The following ITPKB variants were observed in gnomAD, a reference collection of about 807,000 sequenced individuals.
ITPKB encodes the protein IP3 3-kinase B.
ITPKB carries 13 observed loss-of-function variants against 69.4 expected under a neutral mutation model. The ratio of observed to expected loss-of-function variants is 0.19; its 90% CI spans 0.12 to 0.30. The LOEUF (loss-of-function observed/expected upper bound fraction) is 0.30, where lower values mean the gene tolerates loss of function less well. Ranked by LOEUF, ITPKB falls within the 10% of genes least tolerant of loss-of-function variation. The pLI, the probability that ITPKB is intolerant of heterozygous loss-of-function variation, is 1.00. For missense variants in ITPKB, 1,240 were observed against 1,250.5 expected (o/e 0.99, Z 0.13); for synonymous variants, 584 against 513.7 (o/e 1.14, Z -1.85).
chr1:226,641,857 G>C lies in ITPKB; in HGVS notation c.2451+64C>G. On this transcript the variant is annotated intron_variant, in intron 5 of 7. Transcript: ENST00000429204. The surrounding 1 kb of genome is among the most constrained non-coding windows in gnomAD (Gnocchi z 4.6). ...TTACAGCTTCCAAAGGGCGCTGAGAGAAGCCAAGCCCCCTGAGGTGGGCAC... is the reference window on the plus strand; with the variant it reads ...TTACAGCTTCCAAAGGGCGCTGAGACAAGCCAAGCCCCCTGAGGTGGGCAC... The C allele has an allele frequency of 1.4e-6, 2 of 1,456,816 alleles. No individual in the cohort carries two copies. Among genetic ancestry groups the C allele is most frequent in the Non-Finnish European group, 9.5e-7 (1 of 1,058,190 alleles). 90.2% of individuals were successfully genotyped at this position (1,456,816 alleles called of 1,614,324 possible).
rs115697178 is a variant in ITPKB, at chr1:226,651,960, G to A, written c.1933-3189C>T. 9.9e-3 allele frequency among the ~76,000 whole-genome samples: 1,515 copies of A among 152,292 alleles called. 28 individuals are homozygous for A. The highest frequency in any genetic ancestry group is 0.034 in the African/African-American group (1,410 of 41,554). ...TGGCCAAGGCCCTGAGAGTCCCCCA[G>A]TCCCAAGGCTGCTCTGCCTGGATGA... On this transcript the variant is annotated intron_variant, in intron 2 of 7. Coordinates refer to ENST00000429204, the MANE Select transcript of ITPKB (RefSeq NM_002221.4).
At chr1:226,725,784 T>A (rs1375612503) in intron 2 of ITPKB, among the ~76,000 whole-genome samples, 1 of 152,148 alleles carries the variant, frequency 6.6e-6, no homozygotes, top group Non-Finnish European at 1.5e-5. Flanking sequence ...GCCGAGATGG[T>A]CACACAGGCA....
At chr1:226,721,348 C>CAAAAAAAA (rs11353595) in intron 2 of ITPKB, among the ~76,000 whole-genome samples, 63 of 64,288 alleles carry the variant, frequency 9.8e-4, no homozygotes, top group Non-Finnish European at 1.3e-3. Context: ...AACTCTGTCT[C>CAAAAAAAA]AAAAAAAAAA....
chr1:226,737,426 C>T lies in ITPKB; in HGVS notation c.33G>A (p.Leu11=). 1 of 1,611,510 alleles carries T rather than the reference C, an allele frequency of 6.2e-7. No homozygotes were observed. The highest frequency in any genetic ancestry group is 8.5e-7 in the Non-Finnish European group (1 of 1,179,606). The part of the protein sequence containing the change: MAVYCYALNS[L]VIMNSANEMK... ...TCTCGTTGGCGCTATTCATGATCACCAGGCTATTGAGCGCATAGCAGTACA... is the reference window on the plus strand; with the variant it reads ...TCTCGTTGGCGCTATTCATGATCACTAGGCTATTGAGCGCATAGCAGTACA... The change falls in exon 2 of 8, where the codon CTG becomes CTA. Residue 11 remains leucine (L), a synonymous_variant. Transcript: ENST00000429204.
At chr1:226,658,892 G>A (rs1026385303) in intron 2 of ITPKB, among the ~76,000 whole-genome samples, 3 of 152,126 alleles carry the variant, frequency 2.0e-5, no homozygotes, top group Non-Finnish European at 4.4e-5. Flanking sequence ...CCCTGCAGGG[G>A]CTACACGAAC....
intron 7 of ITPKB, among the ~76,000 whole-genome samples, chr1:226,635,902 G>T (rs1668827617): frequency 6.6e-6 from 1 of 152,240 alleles, no homozygotes. Context: ...CCAGAGGAAG[G>T]CCGGGGGCAC....
intron 2 of ITPKB, among the ~76,000 whole-genome samples, chr1:226,719,730 C>T (rs1025389193): frequency 5.3e-5 from 8 of 152,186 alleles, no homozygotes; most frequent in Admixed American, 1.3e-4. Context: ...GGGTGCTTCA[C>T]AGTATAGCAG....
At position 226,737,915 on chromosome 1, in the gene ITPKB, T is replaced by C. The variant is rs555968197; in HGVS notation, c.-205-252A>G. Among the ~76,000 whole-genome samples, 7 of 152,260 alleles carry C rather than the reference T, an allele frequency of 4.6e-5. No homozygotes were observed. The South Asian group carries it at 1.5e-3, about 32-fold the overall frequency. On this transcript the variant is annotated intron_variant, in intron 1 of 7. Coordinates refer to ENST00000429204, the MANE Select transcript of ITPKB (RefSeq NM_002221.4). ...GCTGCGATGCGCTTTATGAGGTCCC[T>C]TCAAATCCCAATCCTAATACTCGTC...
intron 6 of ITPKB, among the ~76,000 whole-genome samples, chr1:226,638,262 C>T (rs1273321105): frequency 2.6e-5 from 4 of 152,194 alleles, no homozygotes; most frequent in Non-Finnish European, 5.9e-5. Flanking sequence ...TGAGATCCTC[C>T]CCTGCAAGGG....
chr1:226,674,474 G>C (rs1198703531), intron 2 of ITPKB, among the ~76,000 whole-genome samples: 1 of 152,152 alleles, frequency 6.6e-6, no homozygotes, highest in East Asian at 1.9e-4. Flanking sequence ...TGGAATTACA[G>C]GCGTGAGCCA....
intron 2 of ITPKB, among the ~76,000 whole-genome samples, chr1:226,734,922 T>C (rs1214713554): frequency 6.6e-6 from 1 of 152,228 alleles, no homozygotes; most frequent in Non-Finnish European, 1.5e-5. Context: ...AACTGCACCT[T>C]GGTTACACTG....
chr1:226,718,267 C>T (rs1657143407), intron 2 of ITPKB, among the ~76,000 whole-genome samples: 1 of 145,648 alleles, frequency 6.9e-6, no homozygotes, highest in Non-Finnish European at 1.5e-5. Flanking sequence ...GCACTCCAGC[C>T]TGAGCGACAG....
intron 2 of ITPKB, among the ~76,000 whole-genome samples, chr1:226,711,459 G>C (rs2102637403): frequency 6.6e-6 from 1 of 151,950 alleles, no homozygotes; most frequent in South Asian, 2.1e-4. Flanking sequence ...GTGTGTGTGT[G>C]TGTGTGTGTT....
intron 2 of ITPKB, among the ~76,000 whole-genome samples, chr1:226,668,147 C>A (rs1243575171): frequency 6.6e-6 from 1 of 152,224 alleles, no homozygotes; most frequent in Non-Finnish European, 1.5e-5. Flanking sequence ...CCTCCCCCAA[C>A]AACCTTTTGT....
chr1:226,671,674 GA>G (rs527482593), intron 2 of ITPKB, among the ~76,000 whole-genome samples: 91 of 152,346 alleles, frequency 6.0e-4, no homozygotes, highest in African/African-American at 2.0e-3. Flanking sequence ...GAGGCGGGGA[GA>G]GGGGTGTGCT....
intron 2 of ITPKB, among the ~76,000 whole-genome samples, chr1:226,697,064 T>C (rs1013936426): frequency 6.6e-6 from 1 of 152,234 alleles, no homozygotes; most frequent in South Asian, 2.1e-4. Context: ...TGGATTCATG[T>C]TAATTTGGAG....
chr1:226,636,794 G>GTGTT (rs1558298456), intron 7 of ITPKB, among the ~76,000 whole-genome samples: 16 of 116,910 alleles, frequency 1.4e-4, no homozygotes, highest in African/African-American at 6.2e-4. Flanking sequence ...GTGTGTGTGT[G>GTGTT]AGACTGGGAA....
chr1:226,712,488 C>T (rs74141817), intron 2 of ITPKB, among the ~76,000 whole-genome samples: 2,510 of 152,340 alleles, frequency 0.016, 60 homozygotes, highest in African/African-American at 0.055. Flanking sequence ...TTCCCAGAGC[C>T]TGGGCACTTG....
chr1:226,635,027 G>A, intron 7 of ITPKB, 141 bp from the exon 8 acceptor site: 1 of 650,570 alleles, frequency 1.5e-6, no homozygotes, highest in Non-Finnish European at 2.7e-6. Context: ...CCCATTTTCA[G>A]ACAGGCAGCA....
Sources: allele counts gnomAD v4.1 joint callset (sites outside exome capture counted in the v4.1 genomes callset), GRCh38; gene constraint gnomAD v4.1.1; non-coding constraint Gnocchi (gnomAD v3.1); transcripts MANE v1.5; gene names NCBI Gene and HGNC (gene_info 2026-07-23, HGNC 2026-07-21).